The following TAF15 variants were observed in gnomAD, a reference collection of about 807,000 sequenced individuals.
TAF15 encodes the protein TATA-binding protein-associated factor 2N.
Under a neutral mutation model 102.5 loss-of-function variants are expected in TAF15, and 37 were observed. The observed-to-expected ratio is 0.36, with a 90% CI of 0.28 to 0.47. The LOEUF (loss-of-function observed/expected upper bound fraction) is 0.47, where lower values mean the gene tolerates loss of function less well. Ranked by LOEUF, TAF15 falls within the 20% of genes least tolerant of loss-of-function variation. The pLI, the probability that TAF15 is intolerant of heterozygous loss-of-function variation, is 0.99. For missense variants in TAF15, 652 were observed against 760.7 expected, an observed-to-expected ratio of 0.86 and a Z score of 1.68; for synonymous variants, 273 against 259.2, an observed-to-expected ratio of 1.05 and a Z score of -0.51.
intron 1 of TAF15, among the ~76,000 whole-genome samples, chr17:35,815,303 C>T (rs1418966831): frequency 3.3e-5 from 5 of 152,188 alleles, no homozygotes; most frequent in Admixed American, 6.5e-5. Context: ...CAAATAATCA[C>T]AATGAACAGT....
chr17:35,822,992 G>C (rs1186588990), intron 6 of TAF15, among the ~76,000 whole-genome samples, 159 bp downstream of exon 6: 1 of 152,164 alleles, frequency 6.6e-6, no homozygotes, highest in East Asian at 1.9e-4. Flanking sequence ...TAGTTTATCA[G>C]ATTTCTACTT....
At chr17:35,838,399 A>AC (rs1333666907) in intron 10 of TAF15, 25 bp from the exon 11 acceptor site, 1 of 1,613,794 alleles carries the variant, frequency 6.2e-7, no homozygotes, top group Non-Finnish European at 8.5e-7. Flanking sequence ...AAATGCTAAC[A>AC]CCAAGTGTTT....
Position 35,836,784 on chromosome 17 carries a change from C to CT in TAF15, c.783+555dup, listed in dbSNP as rs35144875. 3.1e-3 allele frequency among the ~76,000 whole-genome samples: 454 copies of CT among 145,682 alleles called. 1 individual carries two copies. Among genetic ancestry groups the CT allele is most frequent in the African/African-American group, 5.5e-3 (219 of 39,936 alleles). ...TTGTTTTGGTGTCTGTGGAATTACT[C>CT]TTTTTTTTTTTTGAGACAGAATCTC... is the stretch of plus-strand genomic sequence containing the variant. On this transcript the variant is annotated intron_variant, in intron 10 of 15. Transcript: ENST00000605844.
chr17:35,816,283 A>G (rs1364366824), intron 1 of TAF15, among the ~76,000 whole-genome samples: 1 of 152,198 alleles, frequency 6.6e-6, no homozygotes, highest in African/African-American at 2.4e-5. Context: ...AGTTTGTTCT[A>G]AGGACATATT....
Position 35,844,862 on chromosome 17 carries a change from C to G in TAF15, c.1563C>G (p.Gly521=), listed in dbSNP as rs201333332. The G allele has an allele frequency of 1.6e-5, 25 of 1,609,376 alleles. No individual in the cohort carries two copies. The South Asian group carries it at 2.4e-4, about 16-fold the overall frequency. Residue 521 remains glycine (G), a synonymous_variant, in exon 15 of 16, where the codon GGC becomes GGG. Transcript: ENST00000605844. ...GAGGTTATGGAGGAGATCGAGGAGG[C>G]TATGGAGGAGACAGAAGCCGGGGGG... ...DRGGYGGDRG[G]YGGDRSRGGY... is the part of the protein sequence containing the mutation.
At chr17:35,830,453 A>G (rs373112080) in intron 7 of TAF15, among the ~76,000 whole-genome samples, 1 of 139,032 alleles carries the variant, frequency 7.2e-6, no homozygotes, top group Non-Finnish European at 1.5e-5. Context: ...TGTTGTGTCA[A>G]CATCTTGACT....
chr17:35,825,427 A>G (rs959915750), intron 7 of TAF15, among the ~76,000 whole-genome samples: 2 of 152,188 alleles, frequency 1.3e-5, no homozygotes, highest in African/African-American at 4.8e-5. Flanking sequence ...CTACCTAATA[A>G]TAGCCTCCCT....
intron 7 of TAF15, among the ~76,000 whole-genome samples, chr17:35,828,777 TAAAAA>T (rs11348556): frequency 2.9e-5 from 4 of 136,534 alleles, no homozygotes; most frequent in South Asian, 2.3e-4. Context: ...TTCAAATGTT[TAAAAA>T]AAAAAAAAAA....
chr17:35,829,631 CAAAAAAAAAAAA>C (rs746776421), intron 7 of TAF15, among the ~76,000 whole-genome samples: 3,005 of 33,198 alleles, frequency 0.091, 95 homozygotes, highest in Non-Finnish European at 0.13. Context: ...GACTCCATCT[CAAAAAAAAAAAA>C]AAAAAAAAAA....
chr17:35,838,382 A>G (rs758791981), intron 10 of TAF15, 42 bp from the exon 11 acceptor site: 1 of 1,612,066 alleles, frequency 6.2e-7, no homozygotes, highest in Non-Finnish European at 8.5e-7. Flanking sequence ...ATGATTACTT[A>G]TTTTAAAAAT....
chr17:35,809,633 G>T, intron 1 of TAF15, 57 bp downstream of exon 1: 1 of 1,611,260 alleles, frequency 6.2e-7, no homozygotes, highest in Middle Eastern at 1.8e-4. Context: ...GCGGGGTTGG[G>T]CTGTCTTCCC....
Position 35,842,442 on chromosome 17 carries a change from G to T in TAF15, c.989G>T (p.Ser330Ile). The stretch of plus-strand genomic sequence containing the variant: ...CCTGAATTCATGAGAGGAGGTGGAA[G>T]TGGAGGTGGGCGGCGAGGTAAGATC... ...RRPEFMRGGG[S>I]GGGRRGRGGY... Residue 330 changes from serine (S) to isoleucine (I), a missense_variant, in exon 12 of 16, where the codon AGT becomes ATT. Physicochemically the swap from Ser to Ile is moderately radical, Grantham distance 142 (BLOSUM62 -2). Around this residue, in one of 3 missense-constraint regions of TAF15, gnomAD observed 368 missense variants for 367.5 expected, o/e 1.00. Coordinates refer to ENST00000605844, the MANE Select transcript of TAF15 (RefSeq NM_139215.3). 6.2e-7 allele frequency: 1 copy of T among 1,614,052 alleles called. No homozygotes were observed. Among genetic ancestry groups the T allele is most frequent in the Non-Finnish European group, 8.5e-7 (1 of 1,179,898 alleles).
At chr17:35,836,965 G>C (rs555199905) in intron 10 of TAF15, among the ~76,000 whole-genome samples, 16 of 152,054 alleles carry the variant, frequency 1.1e-4, no homozygotes, top group African/African-American at 3.4e-4. Context: ...GTAGAGATGG[G>C]GTTTCACTGT....
At chr17:35,810,974 G>A (rs2087118087) in intron 1 of TAF15, 1 of 152,294 alleles carries the variant, frequency 6.6e-6, no homozygotes, top group South Asian at 2.1e-4. Flanking sequence ...TTCCAAAGTA[G>A]ACATTGGTAC....
chr17:35,829,525 G>A lies in TAF15; in HGVS notation c.606-4382G>A, dbSNP rs374829434. ...CGGGCACTTGTAGTCCCAGCTACTC[G>A]GGAGGCTGAGGCAGGAGAATGGCGT... On this transcript the variant is annotated intron_variant, in intron 7 of 15. Transcript: ENST00000605844. Among the ~76,000 whole-genome samples the A allele has an allele frequency of 3.4e-3, 505 of 148,454 alleles. 6 individuals are homozygous for A. The Middle Eastern group carries it at 0.038, about 11-fold the overall frequency.
intron 11 of TAF15, among the ~76,000 whole-genome samples, chr17:35,840,109 T>G (rs1286214376): frequency 6.6e-6 from 1 of 151,840 alleles, no homozygotes. Context: ...AGTCGCAGAG[T>G]CAGGATTCAA....
intron 7 of TAF15, among the ~76,000 whole-genome samples, chr17:35,825,951 C>T (rs112986423): frequency 3.0e-4 from 43 of 144,190 alleles, no homozygotes; most frequent in African/African-American, 1.0e-3. Flanking sequence ...AAGACTTCGT[C>T]TCAAAAAAAA....
intron 7 of TAF15, among the ~76,000 whole-genome samples, chr17:35,828,641 G>C (rs2087358992): frequency 6.6e-6 from 1 of 152,066 alleles, no homozygotes; most frequent in Non-Finnish European, 1.5e-5. Context: ...TGAGGTAGGA[G>C]GATTGCTTGA....
At chr17:35,846,758 T>C in intron 15 of TAF15, 148 bp from the exon 16 acceptor site, 1 of 815,372 alleles carries the variant, frequency 1.2e-6, no homozygotes, top group Non-Finnish European at 2.1e-6. Flanking sequence ...TTAAGTATCT[T>C]CTAGGAGTAC....
Sources: allele counts gnomAD v4.1 joint callset (sites outside exome capture counted in the v4.1 genomes callset), GRCh38; gene constraint gnomAD v4.1.1; regional missense constraint gnomAD v4.1.1; transcripts MANE v1.5; gene names NCBI Gene and HGNC (gene_info 2026-07-23, HGNC 2026-07-21).